Variants in MAGI1 observed in about 807,000 individuals in gnomAD.
MAGI1 encodes the protein membrane associated guanylate kinase, WW and PDZ domain containing 1.
Under a neutral mutation model 139.9 loss-of-function variants are expected in MAGI1, and 58 were observed. The ratio of observed to expected loss-of-function variants is 0.41; its 90% CI spans 0.34 to 0.52. The LOEUF (loss-of-function observed/expected upper bound fraction) is 0.52, where lower values mean the gene tolerates loss of function less well. MAGI1 is among the 20% of genes least tolerant of loss of function. The pLI, the probability that MAGI1 is intolerant of heterozygous loss-of-function variation, is 0.12. For missense variants in MAGI1, 1,874 were observed against 1,901.6 expected (o/e 0.99, Z 0.27); for synonymous variants, 812 against 737.9 (o/e 1.10, Z -1.63).
intron 1 of MAGI1, among the ~76,000 whole-genome samples, chr3:65,724,402 A>G (rs2033383026): frequency 6.6e-6 from 1 of 152,226 alleles, no homozygotes. Context: ...GAGCATAGCC[A>G]TAACTTCACC....
intron 1 of MAGI1, among the ~76,000 whole-genome samples, chr3:65,752,918 T>G (rs12496110): frequency 0.31 from 46,821 of 152,002 alleles, 7,854 homozygotes; most frequent in East Asian, 0.52. Flanking sequence ...CCTCACACCC[T>G]CCCTTGCTCA....
chr3:65,474,542 C>A (rs937081635), intron 4 of MAGI1, among the ~76,000 whole-genome samples: 1 of 151,874 alleles, frequency 6.6e-6, no homozygotes, highest in Non-Finnish European at 1.5e-5. Flanking sequence ...ACATAAAAAT[C>A]GTTTGTAAAA....
chr3:65,813,990 C>T (rs953973114), intron 1 of MAGI1, among the ~76,000 whole-genome samples: 16 of 152,048 alleles, frequency 1.1e-4, no homozygotes, highest in African/African-American at 2.4e-4. Context: ...ATTATGGGTA[C>T]GGAAATGATG....
chr3:65,723,144 G>T (rs2033233496), intron 1 of MAGI1, among the ~76,000 whole-genome samples: 1 of 152,128 alleles, frequency 6.6e-6, no homozygotes. Context: ...TGAACTAGTG[G>T]CCAGTGCTCA....
chr3:65,679,311 A>G (rs2087411940), intron 1 of MAGI1, among the ~76,000 whole-genome samples: 1 of 152,220 alleles, frequency 6.6e-6, no homozygotes, highest in African/African-American at 2.4e-5. Context: ...CCTTTTACAG[A>G]CAGCCATGGT....
At chr3:65,844,017 A>G (rs1051674603) in intron 1 of MAGI1, 8 of 340,802 alleles carry the variant, frequency 2.3e-5, no homozygotes, top group African/African-American at 1.7e-4. Context: ...GCAGATATGA[A>G]AGCCACCAAG....
At chr3:65,572,347 T>C (rs1204275809) in intron 2 of MAGI1, among the ~76,000 whole-genome samples, 1 of 152,074 alleles carries the variant, frequency 6.6e-6, no homozygotes, top group Admixed American at 6.6e-5. Context: ...GGGCAGTAAA[T>C]GTAAACACCA....
chr3:65,766,941 AAG>A (rs2037534830), intron 1 of MAGI1, among the ~76,000 whole-genome samples: 1 of 152,132 alleles, frequency 6.6e-6, no homozygotes, highest in Non-Finnish European at 1.5e-5. Flanking sequence ...CTGAGGATAA[AAG>A]ATGCTTGGGT....
chr3:65,581,072 AC>A (rs1360859395), intron 2 of MAGI1, among the ~76,000 whole-genome samples: 1 of 152,050 alleles, frequency 6.6e-6, no homozygotes, highest in Non-Finnish European at 1.5e-5. Context: ...AAAAATATCT[AC>A]ACACCCTGTG....
intron 1 of MAGI1, among the ~76,000 whole-genome samples, chr3:66,025,500 C>T (rs1559506184): frequency 1.3e-5 from 2 of 152,210 alleles, no homozygotes; most frequent in Non-Finnish European, 2.9e-5. Flanking sequence ...TGCCACTACA[C>T]TCCAGCCTAG....
chr3:65,663,483 C>A (rs374026116), intron 1 of MAGI1, among the ~76,000 whole-genome samples: 2 of 152,178 alleles, frequency 1.3e-5, no homozygotes, highest in East Asian at 1.9e-4. Context: ...AAAATCAGAA[C>A]GGAGAAGAGG....
At chr3:65,721,453 T>A (rs546344323) in intron 1 of MAGI1, among the ~76,000 whole-genome samples, 11 of 152,334 alleles carry the variant, frequency 7.2e-5, no homozygotes, top group African/African-American at 2.6e-4. Flanking sequence ...AGCAAGCTAG[T>A]AAGTGTGGTC....
rs190119197 is a variant in MAGI1 at position 65,506,159 on chromosome 3, T to C, written c.431-12528A>G. Among the ~76,000 whole-genome samples, 3 of 152,294 alleles carry C rather than the reference T, an allele frequency of 2.0e-5. No individual in the cohort carries two copies. In the East Asian group the frequency reaches 5.8e-4, roughly 30 times the overall value. On this transcript the variant is annotated intron_variant, in intron 2 of 22. Transcript: ENST00000402939. ...GTGAGTTCAAATCTCAGCTCTGGTA[T>C]TTGCAAACTGTGCAACCATAGACAA...
chr3:65,415,019 A>T (rs1559535195), intron 12 of MAGI1, among the ~76,000 whole-genome samples: 1 of 66,428 alleles, frequency 1.5e-5, no homozygotes, highest in Admixed American at 1.6e-4. Flanking sequence ...AAAAAAAAAA[A>T]CAAAAAAAAA....
chr3:65,509,963 C>T (rs1187742308), intron 2 of MAGI1, among the ~76,000 whole-genome samples: 1 of 152,134 alleles, frequency 6.6e-6, no homozygotes, highest in African/African-American at 2.4e-5. Context: ...ATCTGAGAAC[C>T]GGCAGACTGC....
chr3:65,544,886 A>C (rs1344048386), intron 2 of MAGI1, among the ~76,000 whole-genome samples: 1 of 152,240 alleles, frequency 6.6e-6, no homozygotes, highest in Admixed American at 6.5e-5. Context: ...TTGTAGATTA[A>C]GTAATACATG....
intron 1 of MAGI1, among the ~76,000 whole-genome samples, chr3:65,909,476 A>G (rs2061570534): frequency 6.6e-6 from 1 of 152,172 alleles, no homozygotes; most frequent in Non-Finnish European, 1.5e-5. Context: ...TTGAAGCTGC[A>G]GTGAGCCGTG....
At chr3:65,947,654 T>C (rs2063598622) in intron 1 of MAGI1, among the ~76,000 whole-genome samples, 1 of 152,200 alleles carries the variant, frequency 6.6e-6, no homozygotes, top group African/African-American at 2.4e-5. Flanking sequence ...TCTCGGTCTG[T>C]TACCCAGACT....
At chr3:65,601,820 C>T (rs895229258) in intron 2 of MAGI1, among the ~76,000 whole-genome samples, 3 of 82,142 alleles carry the variant, frequency 3.7e-5, no homozygotes, top group African/African-American at 6.0e-5. Context: ...TGAAAAGACA[C>T]CCATGGAAAG....
Sources: allele counts gnomAD v4.1 joint callset (sites outside exome capture counted in the v4.1 genomes callset), GRCh38; gene constraint gnomAD v4.1.1; transcripts MANE v1.5; gene names NCBI Gene and HGNC (gene_info 2026-07-23, HGNC 2026-07-21).